The following USH2A variants were observed in gnomAD, a reference collection of about 807,000 sequenced individuals.
The protein encoded by USH2A is Usher syndrome 2A (autosomal recessive, mild).
A neutral mutation model predicts 538.9 loss-of-function variants in USH2A; 443 were observed. The ratio of observed to expected loss-of-function variants is 0.82; its 90% CI spans 0.76 to 0.89. The LOEUF (loss-of-function observed/expected upper bound fraction) is 0.89. USH2A is among the 40% of genes least tolerant of loss of function. The pLI is 0.00. For synonymous variants in USH2A, 2,413 were observed against 2,273.5 expected (o/e 1.06, Z -1.75); for missense variants, 6,633 against 6,324.8 (o/e 1.05, Z -1.65).
chr1:216,065,531 G>C (rs373972864), intron 30 of USH2A, among the ~76,000 whole-genome samples: 2 of 152,264 alleles, frequency 1.3e-5, no homozygotes, highest in East Asian at 3.9e-4. Context: ...CATTAGATGA[G>C]ATAAACATGT....
intron 33 of USH2A, among the ~76,000 whole-genome samples, chr1:215,999,469 T>C (rs1023196073): frequency 3.9e-5 from 6 of 152,066 alleles, no homozygotes; most frequent in African/African-American, 1.2e-4. Flanking sequence ...AACAGTGAAA[T>C]TGATGACTGG....
intron 47 of USH2A, among the ~76,000 whole-genome samples, chr1:215,824,788 C>T (rs1296386299): frequency 6.6e-6 from 1 of 152,130 alleles, no homozygotes; most frequent in Non-Finnish European, 1.5e-5. Context: ...TTCAATCGCA[C>T]TTTTCCAGTG....
chr1:216,116,407 C>T (rs891493245), intron 21 of USH2A, among the ~76,000 whole-genome samples: 9 of 151,982 alleles, frequency 5.9e-5, no homozygotes, highest in African/African-American at 1.9e-4. Context: ...AGTAAAATTG[C>T]TGAGTGACCT....
chr1:215,799,775 C>T (rs1037442607), intron 49 of USH2A, among the ~76,000 whole-genome samples: 1 of 152,030 alleles, frequency 6.6e-6, no homozygotes, highest in African/African-American at 2.4e-5. Context: ...AACTTGAGGC[C>T]AGGAGTTCAA....
chr1:216,050,414 A>C (rs1347065595), intron 30 of USH2A, among the ~76,000 whole-genome samples: 1 of 152,008 alleles, frequency 6.6e-6, no homozygotes, highest in Non-Finnish European at 1.5e-5. Flanking sequence ...AAGGGTTAGT[A>C]TTAAGACTGA....
chr1:215,754,644 C>T (rs1483672593), intron 58 of USH2A, among the ~76,000 whole-genome samples: 1 of 151,628 alleles, frequency 6.6e-6, no homozygotes, highest in Non-Finnish European at 1.5e-5. Flanking sequence ...ACATATAAAA[C>T]ACACTAACAC....
intron 8 of USH2A, among the ~76,000 whole-genome samples, chr1:216,322,814 ACAAGGC>A (rs951959050): frequency 6.6e-6 from 1 of 152,136 alleles, no homozygotes; most frequent in African/African-American, 2.4e-5. Flanking sequence ...TATTTTATTC[ACAAGGC>A]CTATCATTCC....
In USH2A at chr1:215,627,434, TTCCTTCCTTCCTTCC is replaced by T. The variant is rs1558027457; in HGVS notation, c.15519+1365_15519+1379del. Among the ~76,000 whole-genome samples the T allele has an allele frequency of 5.0e-4, 51 of 102,752 alleles. 4 individuals carry two copies. In the South Asian group the frequency reaches 9.0e-3, roughly 18 times the overall value. The allele number at this position is 102,752 out of a possible 152,430, so 67.4% of individuals were successfully genotyped here. A position where few individuals can be genotyped will look rare whatever the true frequency, so the allele number is the denominator to read the frequency against. On this transcript the variant is annotated intron_variant, in intron 71 of 71. Coordinates refer to ENST00000307340, the MANE Select transcript of USH2A (RefSeq NM_206933.4). ...CTTCCTTCCTTCCTTCCTTCCTTCCTTCCTTCCTTCCTTCCTTCCTTCCTTCCTTCCTTCCTTCCT... is the reference window on the plus strand; with the variant it reads ...CTTCCTTCCTTCCTTCCTTCCTTCCTTTCCTTCCTTCCTTCCTTCCTTCCT...
intron 37 of USH2A, among the ~76,000 whole-genome samples, chr1:215,937,911 A>G (rs150348757): frequency 3.3e-5 from 5 of 152,170 alleles, no homozygotes; most frequent in African/African-American, 1.2e-4. Flanking sequence ...TTTTTAAGGA[A>G]ATTTTGAACT....
intron 4 of USH2A, among the ~76,000 whole-genome samples, chr1:216,328,445 C>T (rs1042703938): frequency 4.6e-5 from 7 of 152,056 alleles, no homozygotes; most frequent in Admixed American, 3.3e-4. Context: ...ACTACCGACT[C>T]CAAGTTTTTT....
At chr1:215,758,449 G>T in intron 58 of USH2A, 146 bp downstream of exon 58, 1 of 925,850 alleles carries the variant, frequency 1.1e-6, no homozygotes, top group Non-Finnish European at 1.6e-6. Flanking sequence ...ACACTTAGAA[G>T]TGTGGTTTAG....
intron 61 of USH2A, among the ~76,000 whole-genome samples, chr1:215,723,373 C>T (rs1454140384): frequency 6.6e-6 from 1 of 152,182 alleles, no homozygotes; most frequent in Admixed American, 6.5e-5. Flanking sequence ...AGTTCTCCAT[C>T]CACTGCCACC....
intron 11 of USH2A, among the ~76,000 whole-genome samples, chr1:216,269,358 C>T (rs1467794686): frequency 6.6e-6 from 1 of 152,122 alleles, no homozygotes; most frequent in Non-Finnish European, 1.5e-5. Context: ...ATGTGACTTA[C>T]TCCTCTTTGC....
intron 21 of USH2A, among the ~76,000 whole-genome samples, chr1:216,161,672 C>T (rs572109943): frequency 2.0e-5 from 3 of 151,982 alleles, no homozygotes; most frequent in Non-Finnish European, 4.4e-5. Flanking sequence ...TGTCCTAATA[C>T]ACTTTATGAT....
chr1:215,993,074 A>G lies in USH2A; in HGVS notation c.6751T>C (p.Ser2251Pro). Residue 2251 changes from serine to proline, a missense_variant, in exon 35 of 72, where the codon TCA (serine) becomes CCA (proline). Coordinates refer to ENST00000307340, the MANE Select transcript of USH2A (RefSeq NM_206933.4). ...ACATTAAAGGAGTCAGGTGAATATG[A>G]GTGGGCTTTGGGGGCTGGCACGCCT... ...PEGVPAPKAH[S>P]YSPDSFNVSW... is the part of the protein sequence containing the mutation. 1 of 1,614,082 alleles carries G rather than the reference A, an allele frequency of 6.2e-7. No individual in the cohort carries two copies. Among genetic ancestry groups the G allele is most frequent in the Non-Finnish European group, 8.5e-7 (1 of 1,179,972 alleles).
chr1:215,901,971 GAGAT>G (rs2102471103), intron 38 of USH2A, among the ~76,000 whole-genome samples: 1 of 152,178 alleles, frequency 6.6e-6, no homozygotes, highest in Non-Finnish European at 1.5e-5. Flanking sequence ...GTGAAGTTCA[GAGAT>G]CATATAAATA....
At chr1:215,900,004 G>A (rs1481819613) in intron 40 of USH2A, 71 bp downstream of exon 40, 1 of 1,607,390 alleles carries the variant, frequency 6.2e-7, no homozygotes, top group East Asian at 2.2e-5. Flanking sequence ...TCTTTGCTTT[G>A]GAAAAAATTG....
At chr1:216,371,859 A>G (rs1449074659) in intron 3 of USH2A, among the ~76,000 whole-genome samples, 1 of 152,238 alleles carries the variant, frequency 6.6e-6, no homozygotes, top group Non-Finnish European at 1.5e-5. Flanking sequence ...TAAGCAATAA[A>G]GAAAAGGCAC....
Position 216,327,666 on chromosome 1 carries a change from CA to C in USH2A, c.785-13del. ...AAACTGCTCTAAACCTGCAAATACA[CA>C]CATGTGCATAATATAAGAAGTCTCT... is the stretch of plus-strand genomic sequence containing the variant. On this transcript the variant is annotated splice_polypyrimidine_tract_variant and intron_variant, in intron 4 of 71. Transcript: ENST00000307340. The C allele has an allele frequency of 6.2e-7, 1 of 1,612,804 alleles. No individual in the cohort carries two copies. The highest frequency in any genetic ancestry group is 8.5e-7 in the Non-Finnish European group (1 of 1,179,278).
Sources: gnomAD v4.1 joint callset for allele counts (sites outside exome capture counted in the v4.1 genomes callset) on GRCh38, gnomAD v4.1.1 for gene constraint, MANE v1.5 for transcripts, NCBI Gene and HGNC (gene_info 2026-07-23, HGNC 2026-07-21) for gene names.